DCLK1: variants seen among roughly 807,000 people sequenced by gnomAD.
DCLK1 encodes serine/threonine-protein kinase DCLK1.
A neutral mutation model predicts 86.2 loss-of-function variants in DCLK1; 16 were observed. That is an observed-to-expected ratio of 0.19 (90% CI 0.13 to 0.28). DCLK1 has a LOEUF of 0.28. Ranked by LOEUF, DCLK1 falls within the 10% of genes least tolerant of loss-of-function variation. DCLK1 has a pLI of 1.00. For synonymous variants in DCLK1, 369 were observed against 370.5 expected, an observed-to-expected ratio of 1.00 and a Z score of 0.05; for missense variants, 590 against 940.2, an observed-to-expected ratio of 0.63 and a Z score of 4.87.
chr13:36,053,582 C>A (rs1883197726), intron 3 of DCLK1, among the ~76,000 whole-genome samples: 1 of 151,644 alleles, frequency 6.6e-6, no homozygotes, highest in African/African-American at 2.4e-5. Flanking sequence ...GAGACATAGA[C>A]AAGTGTGACA....
intron 4 of DCLK1, among the ~76,000 whole-genome samples, chr13:35,943,182 T>C (rs1425976981): frequency 1.3e-5 from 2 of 152,048 alleles, no homozygotes; most frequent in African/African-American, 4.8e-5. Context: ...TCTACTGACA[T>C]ACAGGGGAGA....
intron 3 of DCLK1, among the ~76,000 whole-genome samples, chr13:35,967,980 A>G (rs1232616726): frequency 1.3e-5 from 2 of 152,106 alleles, no homozygotes; most frequent in East Asian, 3.8e-4. Context: ...GGATCACGCC[A>G]CTGCATTCCA....
At chr13:36,042,888 T>C (rs1474769455) in intron 3 of DCLK1, among the ~76,000 whole-genome samples, 1 of 152,234 alleles carries the variant, frequency 6.6e-6, no homozygotes, top group Non-Finnish European at 1.5e-5. Flanking sequence ...GAGAAAACAT[T>C]CAAACACATT....
At chr13:35,868,942 C>G (rs553561266) in intron 5 of DCLK1, among the ~76,000 whole-genome samples, 8 of 152,122 alleles carry the variant, frequency 5.3e-5, no homozygotes, top group African/African-American at 1.9e-4. Flanking sequence ...AGGCACCCAC[C>G]ACCATGCCTG....
intron 3 of DCLK1, among the ~76,000 whole-genome samples, chr13:35,998,615 T>C (rs1880577905): frequency 6.6e-6 from 1 of 152,158 alleles, no homozygotes; most frequent in African/African-American, 2.4e-5. Flanking sequence ...TCTCTCCTTA[T>C]CCGTTAGTCT....
rs77805171 is a variant in DCLK1, at chr13:36,016,950, G to A, written c.724-69493C>T. Among the ~76,000 whole-genome samples, 396 of 152,214 alleles carry A rather than the reference G, an allele frequency of 2.6e-3. 1 individual carries two copies. Among genetic ancestry groups the A allele is most frequent in the Non-Finnish European group, 4.5e-3 (308 of 67,996 alleles). On this transcript the variant is annotated intron_variant, in intron 3 of 16. Coordinates refer to ENST00000360631, the MANE Select transcript of DCLK1 (RefSeq NM_001330071.2). Reference sequence around the variant, plus strand: ...CATTTTAAGTTACACATGGCTAGTGGCACGAAATCAGACAGAACAACTCCA... The same window carrying A: ...CATTTTAAGTTACACATGGCTAGTGACACGAAATCAGACAGAACAACTCCA...
rs1309820284 is a variant in DCLK1 at position 35,838,932 on chromosome 13, C to T, written c.1120+160G>A. The stretch of plus-strand genomic sequence containing the variant: ...CCATTCTCACAGAGCAGATACCAAT[C>T]CCTGGTGGGCACCATATTCAACCCT... On this transcript the variant is annotated intron_variant, in intron 7 of 16. Coordinates refer to ENST00000360631, the MANE Select transcript of DCLK1 (RefSeq NM_001330071.2). Among the ~76,000 whole-genome samples the T allele has an allele frequency of 1.3e-5, 2 of 152,094 alleles. 1 individual carries two copies. Among genetic ancestry groups the T allele is most frequent in the African/African-American group, 4.8e-5 (2 of 41,400 alleles).
intron 5 of DCLK1, among the ~76,000 whole-genome samples, chr13:35,867,909 A>AAAAGAAAGAAAGAAAGAAAG (rs34489580): frequency 0.054 from 5,524 of 102,238 alleles, 233 homozygotes; most frequent in Middle Eastern, 0.075. Flanking sequence ...GAAAGAAAGA[A>AAAAGAAAGAAAGAAAGAAAG]AAAGAAAGAA....
intron 4 of DCLK1, among the ~76,000 whole-genome samples, chr13:35,905,210 G>A (rs1874613830): frequency 6.6e-6 from 1 of 152,150 alleles, no homozygotes. Flanking sequence ...ACCCCCATCA[G>A]TCTTACCCTC....
intron 3 of DCLK1, among the ~76,000 whole-genome samples, chr13:35,961,131 T>C (rs1410452301): frequency 6.6e-6 from 1 of 152,216 alleles, no homozygotes; most frequent in Non-Finnish European, 1.5e-5. Context: ...ATTCCATGAA[T>C]GGGAGACTTG....
intron 4 of DCLK1, among the ~76,000 whole-genome samples, chr13:35,893,151 C>A (rs909004761): frequency 4.6e-5 from 7 of 152,228 alleles, no homozygotes; most frequent in Non-Finnish European, 7.3e-5. Flanking sequence ...TCTACCCTAT[C>A]TGAGTAGTTT....
intron 3 of DCLK1, among the ~76,000 whole-genome samples, chr13:35,974,039 T>C (rs1015404968): frequency 6.6e-5 from 10 of 152,124 alleles, no homozygotes; most frequent in Admixed American, 4.6e-4. Context: ...GGAAGGGTCA[T>C]TTACTAAGTA....
intron 3 of DCLK1, among the ~76,000 whole-genome samples, chr13:36,086,514 T>C (rs1043950572): frequency 9.2e-5 from 14 of 151,860 alleles, no homozygotes; most frequent in Admixed American, 7.2e-4. Flanking sequence ...TGCCAGTTTG[T>C]TACATAGGTA....
At chr13:35,860,474 T>C (rs1871318035) in intron 5 of DCLK1, among the ~76,000 whole-genome samples, 1 of 152,064 alleles carries the variant, frequency 6.6e-6, no homozygotes, top group Non-Finnish European at 1.5e-5. Context: ...TTTCCTCTTC[T>C]TGAACTGAGA....
At chr13:35,783,330 T>C (rs2086562906) in intron 16 of DCLK1, among the ~76,000 whole-genome samples, 1 of 152,086 alleles carries the variant, frequency 6.6e-6, no homozygotes, top group Non-Finnish European at 1.5e-5. Flanking sequence ...TTTTTTTTAG[T>C]TTCTTCTTTG....
chr13:35,877,523 G>C (rs1244659040), intron 4 of DCLK1, among the ~76,000 whole-genome samples: 2 of 152,168 alleles, frequency 1.3e-5, no homozygotes, highest in Non-Finnish European at 2.9e-5. Context: ...GACAGCCTTG[G>C]TGACATGCTG....
At chr13:35,826,170 T>C (rs1868398187) in intron 10 of DCLK1, among the ~76,000 whole-genome samples, 1 of 151,730 alleles carries the variant, frequency 6.6e-6, no homozygotes, top group South Asian at 2.1e-4. Context: ...CATTTTTACC[T>C]CCCTCAGCCT....
At chr13:35,816,104 C>A (rs1416443773) in intron 11 of DCLK1, among the ~76,000 whole-genome samples, 1 of 152,134 alleles carries the variant, frequency 6.6e-6, no homozygotes, top group Non-Finnish European at 1.5e-5. Flanking sequence ...CATGCACATT[C>A]CGGATTCTGT....
intron 3 of DCLK1, among the ~76,000 whole-genome samples, chr13:35,967,937 C>T (rs9565717): frequency 0.035 from 5,377 of 152,120 alleles, 229 homozygotes; most frequent in East Asian, 0.22. Flanking sequence ...AGGAGAATCA[C>T]TTGAATCTGG....
Sources: gnomAD v4.1 joint callset for allele counts (sites outside exome capture counted in the v4.1 genomes callset) on GRCh38, gnomAD v4.1.1 for gene constraint, MANE v1.5 for transcripts, NCBI Gene and HGNC (gene_info 2026-07-23, HGNC 2026-07-21) for gene names.